The following SKOR2 variants were observed in gnomAD, a reference collection of about 807,000 sequenced individuals.
The protein encoded by SKOR2 is LBX1 corepressor 1-like protein.
Under a neutral mutation model 69.1 loss-of-function variants are expected in SKOR2, and 47 were observed. That is an observed-to-expected ratio of 0.68 (90% confidence interval 0.54 to 0.87). The LOEUF (loss-of-function observed/expected upper bound fraction) is 0.87. SKOR2 is among the 40% of genes least tolerant of loss of function. The pLI, the probability that SKOR2 is intolerant of heterozygous loss-of-function variation, is 0.00. For missense variants in SKOR2, 1,404 were observed against 1,472.2 expected, an observed-to-expected ratio of 0.95 and a Z score of 0.76; for synonymous variants, 717 against 672.6, an observed-to-expected ratio of 1.07 and a Z score of -1.02.
chr18:47,237,034 G>A (rs2064227135), intron 4 of SKOR2, among the ~76,000 whole-genome samples: 1 of 152,150 alleles, frequency 6.6e-6, no homozygotes, highest in Admixed American at 6.5e-5. Flanking sequence ...CCTTAGGAAA[G>A]GGTACAAATA....
chr18:47,248,123 C>A lies in SKOR2; in HGVS notation c.1061G>T (p.Gly354Val). 7.6e-7 allele frequency: 1 copy of A among 1,308,628 alleles called. No individual in the cohort carries two copies. The highest frequency in any genetic ancestry group is 9.6e-7 in the Non-Finnish European group (1 of 1,037,676). 81.1% of individuals were successfully genotyped at this position (1,308,628 alleles called of 1,614,324 possible). ...CACGCCCACGCCGGCCACACAGCCA[C>A]CCCCAGCGCCGCCCCCACCAGTCCC... The part of the protein sequence containing the change: ...GAGTGGGGAG[G>V]GCVAGVGVGA... The change falls in exon 2 of 9, where the codon GGT becomes GTT. Residue 354 changes from glycine (G) to valine (V), a missense_variant. Coordinates refer to ENST00000425639, the MANE Select transcript of SKOR2 (RefSeq NM_001278063.4). This position sits in a 1 kb window ranked among gnomAD's most constrained non-coding sequence, Gnocchi z 6.4.
rs1014988754 is a variant in SKOR2 at position 47,247,113 on chromosome 18, G to A, written c.2071C>T (p.His691Tyr). The A allele has an allele frequency of 1.5e-4, 197 of 1,315,742 alleles. 1 individual carries two copies. Among genetic ancestry groups the A allele is most frequent in the Non-Finnish European group, 1.7e-4 (173 of 1,041,788 alleles). 81.5% of individuals were successfully genotyped at this position (1,315,742 alleles called of 1,614,324 possible). A position where few individuals can be genotyped will look rare whatever the true frequency, so the allele number is the denominator to read the frequency against. Reference protein sequence around the residue: ...PQPDEPGSERHHPAPPPPPPP... With the variant: ...PQPDEPGSERYHPAPPPPPPP... ...GGCGGCGGCGGCGGGGCCGGGTGGT[G>A]GCGCTCGGAACCCGGCTCGTCGGGC... The change falls in exon 2 of 9, where the codon CAC (histidine) becomes TAC (tyrosine). Residue 691 changes from histidine to tyrosine, a missense_variant. Coordinates refer to ENST00000425639, the MANE Select transcript of SKOR2 (RefSeq NM_001278063.4). This position sits in a 1 kb window ranked among gnomAD's most constrained non-coding sequence, Gnocchi z 6.6.
In SKOR2 at chr18:47,247,871, C is replaced by A. The variant is rs1362316353; in HGVS notation, c.1313G>T (p.Gly438Val). 3 of 1,359,410 alleles carry A rather than the reference C, an allele frequency of 2.2e-6. No homozygotes were observed. The highest frequency in any genetic ancestry group is 2.8e-6 in the Non-Finnish European group (3 of 1,065,982). The allele number at this position is 1,359,410 out of a possible 1,614,324, so 84.2% of individuals were successfully genotyped here. Reference sequence around the variant, plus strand: ...GGGCGCCGCGCCCGCGCCGCCTGCGCCCGCGCCCCCCAGGGCCTCAGCGGC... The same window carrying A: ...GGGCGCCGCGCCCGCGCCGCCTGCGACCGCGCCCCCCAGGGCCTCAGCGGC... ...GAAAEALGGA[G>V]AGGAGAAPKA... Residue 438 changes from glycine (G) to valine (V), a missense_variant, in exon 2 of 9, where the codon GGC becomes GTC. By Grantham distance (109) the Gly-to-Val change is moderately radical. Around this residue, in one of 3 missense-constraint regions of SKOR2, gnomAD observed 1,266 missense variants for 1,309.9 expected, o/e 0.97. Coordinates refer to ENST00000425639, the MANE Select transcript of SKOR2 (RefSeq NM_001278063.4). This position sits in a 1 kb window ranked among gnomAD's most constrained non-coding sequence, Gnocchi z 6.6.
At chr18:47,235,363 T>C (rs1271144734) in intron 4 of SKOR2, among the ~76,000 whole-genome samples, 4 of 151,902 alleles carry the variant, frequency 2.6e-5, no homozygotes, top group African/African-American at 7.2e-5. Context: ...CTGACTTAAA[T>C]ACAAAAAAGA....
rs115139738 is a variant in SKOR2, at chr18:47,244,228, A to G, written c.2752+680T>C. Among the ~76,000 whole-genome samples the G allele has an allele frequency of 7.7e-3, 1,169 of 152,266 alleles. 14 individuals are homozygous for G. The highest frequency in any genetic ancestry group is 0.027 in the African/African-American group (1,133 of 41,552). ...GCTTGCTCTCTCTGTCTCATTTGAC[A>G]GGCAAATTTGCAGACATTGCCTCAG... On this transcript the variant is annotated intron_variant, in intron 4 of 8. Transcript: ENST00000425639.
chr18:47,212,889 A>G (rs958623251), intron 7 of SKOR2, among the ~76,000 whole-genome samples: 1 of 152,164 alleles, frequency 6.6e-6, no homozygotes, highest in African/African-American at 2.4e-5. Context: ...GCTTGAGCCC[A>G]GAAGGTCAAG....
At chr18:47,211,443 C>G (rs1347400623) in intron 8 of SKOR2, among the ~76,000 whole-genome samples, 1 of 152,192 alleles carries the variant, frequency 6.6e-6, no homozygotes, top group Non-Finnish European at 1.5e-5. Context: ...GAAAAAGTTT[C>G]TTTTCAAATA....
chr18:47,249,088 C>T lies in SKOR2; in HGVS notation c.96G>A (p.Gly32=), dbSNP rs1357042928. ...QPDTLSQPRP[G]HANLKPNQVG... Reference sequence around the variant, plus strand: ...CCTGGTTGGGTTTGAGGTTGGCGTGCCCTGGCCGCGGCTGGCTCAGCGTGT... The same window carrying T: ...CCTGGTTGGGTTTGAGGTTGGCGTGTCCTGGCCGCGGCTGGCTCAGCGTGT... The change falls in exon 2 of 9, where the codon GGG becomes GGA. Residue 32 remains glycine (G), a synonymous_variant. Coordinates refer to ENST00000425639, the MANE Select transcript of SKOR2 (RefSeq NM_001278063.4). 1 of 1,536,354 alleles carries T rather than the reference C, an allele frequency of 6.5e-7. No homozygotes were observed. The highest frequency in any genetic ancestry group is 2.4e-5 in the East Asian group (1 of 40,912).
chr18:47,243,532 C>A (rs1223716773), intron 4 of SKOR2, among the ~76,000 whole-genome samples: 1 of 152,140 alleles, frequency 6.6e-6, no homozygotes, highest in African/African-American at 2.4e-5. Flanking sequence ...TGTGTGAGTG[C>A]ATGCAAATCC....
In SKOR2 at chr18:47,212,164, A is replaced by AACAAGCAACACCATCCAGGTAAGCTAG; in HGVS notation, c.2986-40_2986-14dup. The AACAAGCAACACCATCCAGGTAAGCTAG allele has an allele frequency of 8.1e-7, 1 of 1,231,918 alleles. No homozygotes were observed. 76.3% of individuals were successfully genotyped at this position (1,231,918 alleles called of 1,614,324 possible). ...CTGCATAGGGGATCTGTAAGACAAA[A>AACAAGCAACACCATCCAGGTAAGCTAG]ACAAGCAACACCATCCAGGTAAGCT... On this transcript the variant is annotated splice_polypyrimidine_tract_variant and intron_variant, in intron 7 of 8. Coordinates refer to ENST00000425639, the MANE Select transcript of SKOR2 (RefSeq NM_001278063.4).
At chr18:47,234,864 G>GAAAA (rs769601681) in intron 4 of SKOR2, among the ~76,000 whole-genome samples, 2 of 109,084 alleles carry the variant, frequency 1.8e-5, no homozygotes, top group African/African-American at 6.9e-5. Flanking sequence ...CCATCTCAGG[G>GAAAA]AAAAAAAAAA....
At chr18:47,230,606 C>A (rs1392484040) in intron 5 of SKOR2, 49 bp from the exon 6 acceptor site, 2 of 1,172,584 alleles carry the variant, frequency 1.7e-6, no homozygotes, top group South Asian at 2.2e-5. Flanking sequence ...AAATAACTCT[C>A]CAGAGAACTG....
At chr18:47,245,972 G>A (rs1204316628) in intron 2 of SKOR2, among the ~76,000 whole-genome samples, 1 of 145,048 alleles carries the variant, frequency 6.9e-6, no homozygotes, top group Non-Finnish European at 1.5e-5. Flanking sequence ...TCTTTTAGGG[G>A]TCCCAGGTAG....
In SKOR2 at chr18:47,246,838, G is replaced by A. The variant is rs192360549; in HGVS notation, c.2346C>T (p.Val782=). ...GGCCCTGGAGGAACCGGCCGCCCCC[G>A]ACTAAGGGGTCGCCGAGTAGGACCT... ...ETEVLLGDPL[V]GGGRFLQGRG... is the part of the protein sequence containing the mutation. Residue 782 remains valine, a synonymous_variant, in exon 2 of 9, where the codon GTC becomes GTT. Transcript: ENST00000425639. 3 of 1,474,074 alleles carry A rather than the reference G, an allele frequency of 2.0e-6. No homozygotes were observed. Among genetic ancestry groups the A allele is most frequent in the African/African-American group, 1.5e-5 (1 of 68,404 alleles). The allele number at this position is 1,474,074 out of a possible 1,614,324, so 91.3% of individuals were successfully genotyped here.
At chr18:47,216,706 C>T (rs969022590) in intron 7 of SKOR2, among the ~76,000 whole-genome samples, 4 of 151,990 alleles carry the variant, frequency 2.6e-5, no homozygotes, top group Non-Finnish European at 5.9e-5. Flanking sequence ...AGGATAAATG[C>T]ATTGTGGGTC....
chr18:47,250,410 G>A (rs1319574863), intron 1 of SKOR2, among the ~76,000 whole-genome samples: 2 of 152,244 alleles, frequency 1.3e-5, no homozygotes, highest in South Asian at 2.1e-4. Context: ...ATGCCACTAA[G>A]TGGAAAGAAG....
At position 47,248,460 on chromosome 18, in the gene SKOR2, G is replaced by T. The variant is rs754730145; in HGVS notation, c.724C>A (p.Arg242Ser). The T allele has an allele frequency of 5.9e-6, 9 of 1,535,588 alleles. No individual in the cohort carries two copies. The East Asian group carries it at 9.8e-5, about 17-fold the overall frequency. The change falls in exon 2 of 9, where the codon CGC (arginine) becomes AGC (serine). Residue 242 changes from arginine (R) to serine (S), a missense_variant. Around this residue, in one of 3 missense-constraint regions of SKOR2, gnomAD observed 1,266 missense variants for 1,309.9 expected, o/e 0.97. Transcript: ENST00000425639. The surrounding 1 kb of genome is among the most constrained non-coding windows in gnomAD (Gnocchi z 6.4). ...KAMFNGGSRK[R>S]ALPQPGAHPA... ...TGCGCGCCCGGCTGGGGCAGTGCGC[G>T]CTTGCGGCTGCCGCCGTTGAACATG...
intron 3 of SKOR2, 21 bp downstream of exon 3, chr18:47,245,477 G>GGTTTTTTT (rs762834867): frequency 3.9e-6 from 2 of 517,914 alleles, no homozygotes; most frequent in South Asian, 3.2e-5. Context: ...AGTGGCAGCT[G>GGTTTTTTT]ATTTTTTTTT....
Position 47,230,492 on chromosome 18 carries a change from C to T in SKOR2, c.2884G>A (p.Val962Met). The change falls in exon 6 of 9, where the codon GTG (valine) becomes ATG (methionine). Residue 962 changes from valine to methionine, a missense_variant. Coordinates refer to ENST00000425639, the MANE Select transcript of SKOR2 (RefSeq NM_001278063.4). ...LRRRLEQEFQ[V>M]LKGNTSFPVF... ...GGGAAAGATGTGTTTCCTTTTAACA[C>T]CTGGAATTCTTGTTCCAGTCGTCTC... 2 of 1,452,746 alleles carry T rather than the reference C, an allele frequency of 1.4e-6. No homozygotes were observed. The highest frequency in any genetic ancestry group is 1.5e-5 in the South Asian group (1 of 66,940). The allele number at this position is 1,452,746 out of a possible 1,614,324, so 90.0% of individuals were successfully genotyped here. A position where few individuals can be genotyped will look rare whatever the true frequency, so the allele number is the denominator to read the frequency against.
Sources: gnomAD v4.1 joint callset for allele counts (sites outside exome capture counted in the v4.1 genomes callset) on GRCh38, gnomAD v4.1.1 for gene constraint, gnomAD v4.1.1 regional missense constraint, Gnocchi (gnomAD v3.1) non-coding constraint, MANE v1.5 for transcripts, NCBI Gene and HGNC (gene_info 2026-07-23, HGNC 2026-07-21) for gene names.